Variants in RASGRF1 observed in about 807,000 individuals in gnomAD.
RASGRF1 encodes the protein Ras protein specific guanine nucleotide releasing factor 1, also known as ras-specific guanine nucleotide-releasing factor 1.
RASGRF1 carries 40 observed loss-of-function variants against 138.7 expected under a neutral mutation model. That is an observed-to-expected ratio of 0.29 (90% CI 0.22 to 0.38). RASGRF1 has a LOEUF of 0.38. Ranked by LOEUF, RASGRF1 falls within the 10% of genes least tolerant of loss-of-function variation. The pLI, the probability that RASGRF1 is intolerant of heterozygous loss-of-function variation, is 1.00. For missense variants in RASGRF1, 1,108 were observed against 1,650.4 expected, an observed-to-expected ratio of 0.67 and a Z score of 5.69; for synonymous variants, 614 against 663.2, an observed-to-expected ratio of 0.93 and a Z score of 1.14.
In RASGRF1 at chr15:79,031,437, G is replaced by A; in HGVS notation, c.1225C>T (p.Leu409=). 6.2e-7 allele frequency: 1 copy of A among 1,613,174 alleles called. No homozygotes were observed. The highest frequency in any genetic ancestry group is 1.1e-5 in the South Asian group (1 of 90,826). The change falls in exon 8 of 27, where the codon CTG becomes TTG. Residue 409 remains leucine, a synonymous_variant. Coordinates refer to ENST00000558480, the MANE Select transcript of RASGRF1 (RefSeq NM_001145648.3). ...TCCAGTTTGGACTTGGCGTAGTCCA[G>A]GCTGTTGCGCTCAACGTGCTCATGA... ...TPHEHVERNS[L]DYAKSKLEEL...
At chr15:79,080,496 A>G (rs1180084466) in intron 1 of RASGRF1, among the ~76,000 whole-genome samples, 1 of 152,252 alleles carries the variant, frequency 6.6e-6, no homozygotes, top group Non-Finnish European at 1.5e-5. Context: ...TATCTAAACA[A>G]AGTTGATTAT....
chr15:78,963,584 G>A (rs2055587941), intron 26 of RASGRF1, among the ~76,000 whole-genome samples: 2 of 152,070 alleles, frequency 1.3e-5, no homozygotes, highest in Admixed American at 6.5e-5. Flanking sequence ...TTACAGGTGC[G>A]AGCCACCGTG....
At chr15:78,964,839 A>T (rs3759857) in intron 26 of RASGRF1, among the ~76,000 whole-genome samples, 9,765 of 152,252 alleles carry the variant, frequency 0.064, 391 homozygotes, top group Middle Eastern at 0.14. Flanking sequence ...TTCTTAGAAT[A>T]CAAAAGTACT....
Position 79,020,037 on chromosome 15 carries a change from T to C in RASGRF1, c.1606+4A>G. On this transcript the variant is annotated splice_donor_region_variant and intron_variant, in intron 11 of 26. Transcript: ENST00000558480. ...ACATGCGCACATGCAGCTTTCACAC[T>C]CACCTTCCTCCTCCGTGCTTTCTGG... The C allele has an allele frequency of 6.2e-7, 1 of 1,614,058 alleles. No homozygotes were observed. The highest frequency in any genetic ancestry group is 8.5e-7 in the Non-Finnish European group (1 of 1,180,006).
intron 12 of RASGRF1, 38 bp downstream of exon 12, chr15:79,017,732 G>A (rs1396027843): frequency 1.9e-6 from 3 of 1,576,778 alleles, no homozygotes; most frequent in Non-Finnish European, 2.6e-6. Flanking sequence ...TAGGCATGAA[G>A]GGACCACTCG....
intron 24 of RASGRF1, among the ~76,000 whole-genome samples, chr15:78,976,798 G>A (rs1420097626): frequency 3.3e-5 from 5 of 152,332 alleles, no homozygotes; most frequent in Admixed American, 6.5e-5. Flanking sequence ...GGCCTCTCTC[G>A]GGTGAGGTCC....
At chr15:79,002,780 G>A (rs1224726431) in intron 15 of RASGRF1, among the ~76,000 whole-genome samples, 1 of 152,234 alleles carries the variant, frequency 6.6e-6, no homozygotes, top group African/African-American at 2.4e-5. Flanking sequence ...TTGGTATGGA[G>A]CCTGGCGGAG....
At chr15:78,998,683 TC>T in intron 18 of RASGRF1, 35 bp downstream of exon 18, 1 of 1,541,590 alleles carries the variant, frequency 6.5e-7, no homozygotes, top group Non-Finnish European at 9.0e-7. Context: ...TGCCTGGTGG[TC>T]CCCAGCAGCC....
chr15:79,085,263 AG>A (rs1456659300), intron 1 of RASGRF1, among the ~76,000 whole-genome samples: 1 of 152,154 alleles, frequency 6.6e-6, no homozygotes, highest in African/African-American at 2.4e-5. Context: ...TTTCAGGTGG[AG>A]GGAATGGCTT....
At chr15:79,014,917 AAAAAAAC>A (rs765048596) in intron 13 of RASGRF1, among the ~76,000 whole-genome samples, 738 of 71,024 alleles carry the variant, frequency 0.01, 3 homozygotes, top group African/African-American at 0.016. Flanking sequence ...ACTTGGTCTC[AAAAAAAC>A]AAAAAACAAA....
Position 78,995,662 on chromosome 15 carries a change from G to A in RASGRF1, c.3027+78C>T, listed in dbSNP as rs554613187. 6.0e-6 allele frequency: 9 copies of A among 1,498,896 alleles called. No individual in the cohort carries two copies. The South Asian group carries it at 1.0e-4, about 17-fold the overall frequency. 92.8% of individuals were successfully genotyped at this position (1,498,896 alleles called of 1,614,324 possible). On this transcript the variant is annotated intron_variant, in intron 20 of 26. Coordinates refer to ENST00000558480, the MANE Select transcript of RASGRF1 (RefSeq NM_001145648.3). ...GCCACAGAAAATGAATACGGGTGAT[G>A]CCTGTGATGGGTCAGGGGTCCTGGG... is the stretch of plus-strand genomic sequence containing the variant.
intron 2 of RASGRF1, among the ~76,000 whole-genome samples, chr15:79,062,745 T>C (rs112882056): frequency 0.041 from 6,268 of 152,178 alleles, 453 homozygotes; most frequent in African/African-American, 0.14. Flanking sequence ...GGCTTCACCA[T>C]GTTGGCCAGG....
intron 13 of RASGRF1, among the ~76,000 whole-genome samples, chr15:79,013,716 G>A (rs970747424): frequency 1.3e-5 from 2 of 152,142 alleles, no homozygotes; most frequent in African/African-American, 4.8e-5. Flanking sequence ...GGTTGGGGCA[G>A]GAAGGAGTGT....
chr15:79,010,024 C>G (rs368366379), intron 13 of RASGRF1, among the ~76,000 whole-genome samples: 2 of 143,884 alleles, frequency 1.4e-5, no homozygotes, highest in South Asian at 2.3e-4. Context: ...CACCCAGCCT[C>G]TTTGTTTGTT....
chr15:78,984,251 G>C (rs1272092543), intron 23 of RASGRF1, among the ~76,000 whole-genome samples: 1 of 152,130 alleles, frequency 6.6e-6, no homozygotes, highest in Non-Finnish European at 1.5e-5. Context: ...GGCTTGCCCT[G>C]TCTACTGGGG....
At chr15:78,967,992 T>G (rs747015927) in intron 26 of RASGRF1, among the ~76,000 whole-genome samples, 1 of 152,200 alleles carries the variant, frequency 6.6e-6, no homozygotes, top group Non-Finnish European at 1.5e-5. Context: ...AAAATAATCT[T>G]TATAGCTGTT....
chr15:78,996,304 G>C (rs552324133), intron 19 of RASGRF1, among the ~76,000 whole-genome samples: 2 of 152,326 alleles, frequency 1.3e-5, no homozygotes, highest in African/African-American at 4.8e-5. Context: ...AATGAGGGTA[G>C]AGCCTCAAAG....
Position 79,004,118 on chromosome 15 carries a change from G to T in RASGRF1, c.2133C>A (p.Pro711=). The T allele has an allele frequency of 3.1e-6, 5 of 1,613,298 alleles. No homozygotes were observed. Among genetic ancestry groups the T allele is most frequent in the South Asian group, 1.1e-5 (1 of 90,974 alleles). The part of the protein sequence containing the change: ...GQNNKLLYGE[P]PKSPRATRKF... Reference sequence around the variant, plus strand: ...TGCGGGTGGCGCGCGGGGACTTGGGGGGTTCACCGTACAGGAGCTTATTGT... The same window carrying T: ...TGCGGGTGGCGCGCGGGGACTTGGGTGGTTCACCGTACAGGAGCTTATTGT... The change falls in exon 15 of 27, where the codon CCC becomes CCA. Residue 711 remains proline (P), a synonymous_variant. Transcript: ENST00000558480.
chr15:79,003,271 T>C (rs761626237), intron 15 of RASGRF1, among the ~76,000 whole-genome samples: 48 of 152,248 alleles, frequency 3.2e-4, no homozygotes, highest in Non-Finnish European at 3.4e-4. Flanking sequence ...AAGCCTTCTA[T>C]GACGCTCCTA....
Sources: allele counts gnomAD v4.1 joint callset (sites outside exome capture counted in the v4.1 genomes callset), GRCh38; gene constraint gnomAD v4.1.1; transcripts MANE v1.5; gene names NCBI Gene and HGNC (gene_info 2026-07-23, HGNC 2026-07-21).